RANBP3: variants seen among roughly 807,000 people sequenced by gnomAD.
RANBP3 encodes the protein RAN binding protein 3.
Under a neutral mutation model 77.3 loss-of-function variants are expected in RANBP3, and 14 were observed. That is an observed-to-expected ratio of 0.18 (90% CI 0.12 to 0.28). The LOEUF (loss-of-function observed/expected upper bound fraction) is 0.28, where lower values mean the gene tolerates loss of function less well. Among genes scored for constraint, RANBP3 ranks in the 10% least tolerant of loss-of-function variants. RANBP3 has a pLI of 1.00. For missense variants in RANBP3, 586 were observed against 752.3 expected, an observed-to-expected ratio of 0.78 and a Z score of 2.59; for synonymous variants, 315 against 312.4, an observed-to-expected ratio of 1.01 and a Z score of -0.09.
rs1486857195 is a variant in RANBP3 at position 5,924,938 on chromosome 19, T to C, written c.918-33A>G. ...GAAGATGTGCAATGAGTGTGGGGCG[T>C]CACGTGGGAACGTGGCCAGGCAAAT... On this transcript the variant is annotated intron_variant, in intron 10 of 16. Coordinates refer to ENST00000340578, the MANE Select transcript of RANBP3 (RefSeq NM_007322.3). The surrounding 1 kb of genome is among the most constrained non-coding windows in gnomAD (Gnocchi z 4.7). 27 of 1,591,522 alleles carry C rather than the reference T, an allele frequency of 1.7e-5. No homozygotes were observed. Among genetic ancestry groups the C allele is most frequent in the Non-Finnish European group, 2.3e-5 (27 of 1,159,556 alleles).
intron 1 of RANBP3, among the ~76,000 whole-genome samples, chr19:5,973,555 T>C (rs1490048759): frequency 6.6e-6 from 1 of 152,194 alleles, no homozygotes; most frequent in Non-Finnish European, 1.5e-5. Flanking sequence ...GTGCTCAGGC[T>C]GGGATCCCTG....
At chr19:5,926,074 G>T (rs112871596) in intron 9 of RANBP3, among the ~76,000 whole-genome samples, 89 of 152,242 alleles carry the variant, frequency 5.8e-4, no homozygotes, top group African/African-American at 2.1e-3. Context: ...CAAAGCTGAC[G>T]TTTTGGGGGG....
In RANBP3 at chr19:5,924,625, G is replaced by A. The variant is rs1464447327; in HGVS notation, c.996+202C>T. Reference sequence around the variant, plus strand: ...TCAGCACGGAGGAGCCGGGAAAAGCGAATGCCAGTTCGTAGGCAGCCAGTG... The same window carrying A: ...TCAGCACGGAGGAGCCGGGAAAAGCAAATGCCAGTTCGTAGGCAGCCAGTG... On this transcript the variant is annotated intron_variant, in intron 11 of 16. Transcript: ENST00000340578. The surrounding 1 kb of genome is among the most constrained non-coding windows in gnomAD (Gnocchi z 4.7). Among the ~76,000 whole-genome samples the A allele has an allele frequency of 6.6e-6, 1 of 152,260 alleles. No individual in the cohort carries two copies. Among genetic ancestry groups the A allele is most frequent in the Admixed American group, 6.5e-5 (1 of 15,290 alleles).
intron 1 of RANBP3, among the ~76,000 whole-genome samples, chr19:5,968,196 T>C (rs1354565260): frequency 6.6e-6 from 1 of 152,162 alleles, no homozygotes; most frequent in African/African-American, 2.4e-5. Flanking sequence ...CCCTCCTCTC[T>C]ACACGGAAGC....
chr19:5,977,645 T>C (rs935580076), intron 1 of RANBP3, among the ~76,000 whole-genome samples: 1 of 135,580 alleles, frequency 7.4e-6, no homozygotes, highest in African/African-American at 2.8e-5. Context: ...GAAGGGGAGA[T>C]GCCGGGTGGC....
intron 3 of RANBP3, among the ~76,000 whole-genome samples, chr19:5,950,274 G>A (rs763572335): frequency 2.6e-5 from 4 of 152,064 alleles, no homozygotes; most frequent in Non-Finnish European, 5.9e-5. Context: ...CGCGGCTCCC[G>A]TGTCTCACTA....
chr19:5,973,406 C>T (rs2058552493), intron 1 of RANBP3, among the ~76,000 whole-genome samples: 1 of 152,206 alleles, frequency 6.6e-6, no homozygotes, highest in Non-Finnish European at 1.5e-5. Flanking sequence ...GACATTTCCA[C>T]TGTCATGACT....
In RANBP3 at chr19:5,951,508, T is replaced by A; in HGVS notation, c.167A>T (p.Glu56Val). The change falls in exon 3 of 17, where the codon GAG (glutamate) becomes GTG (valine). Residue 56 changes from glutamate to valine, a missense_variant. Glu to Val is a moderately radical substitution (Grantham distance 121). Transcript: ENST00000340578. ...EAPHHGTGHP[E>V]SAGEHALEPP... The stretch of plus-strand genomic sequence containing the variant: ...TTCTAGGGCATGCTCGCCAGCTGAC[T>A]CGGGGTGACCCGTGCCATGGTGGGG... The A allele has an allele frequency of 6.2e-7, 1 of 1,611,682 alleles. No homozygotes were observed. The highest frequency in any genetic ancestry group is 8.5e-7 in the Non-Finnish European group (1 of 1,178,662).
chr19:5,935,381 G>C (rs1434228995), intron 5 of RANBP3, among the ~76,000 whole-genome samples: 1 of 152,272 alleles, frequency 6.6e-6, no homozygotes, highest in Non-Finnish European at 1.5e-5. Flanking sequence ...CCTGCAGGAT[G>C]CGGGGGTGAG....
Position 5,958,998 on chromosome 19 carries a change from C to T in RANBP3, c.23-1025G>A, listed in dbSNP as rs1372887125. ...CGGTCGTGGGGAGCCAGGCATTACCCAGGAAGCATGTGCTGCCCATGATCA... is the reference window on the plus strand; with the variant it reads ...CGGTCGTGGGGAGCCAGGCATTACCTAGGAAGCATGTGCTGCCCATGATCA... On this transcript the variant is annotated intron_variant, in intron 1 of 16. Transcript: ENST00000340578. This position sits in a 1 kb window ranked among gnomAD's most constrained non-coding sequence, Gnocchi z 4.4. Among the ~76,000 whole-genome samples the T allele has an allele frequency of 1.3e-5, 2 of 152,240 alleles. No individual in the cohort carries two copies. The highest frequency in any genetic ancestry group is 1.5e-5 in the Non-Finnish European group (1 of 68,036).
intron 5 of RANBP3, among the ~76,000 whole-genome samples, chr19:5,941,012 G>A (rs567577569): frequency 6.6e-5 from 10 of 152,334 alleles, no homozygotes; most frequent in East Asian, 1.9e-4. Flanking sequence ...CAGGCCTCAC[G>A]TCCAGGGCCT....
chr19:5,933,508 C>A, intron 5 of RANBP3, 29 bp from the exon 6 acceptor site: 1 of 1,605,962 alleles, frequency 6.2e-7, no homozygotes. Flanking sequence ...ATATCAACAG[C>A]AGGCCTGCCT....
chr19:5,935,461 G>T (rs1264087578), intron 5 of RANBP3, among the ~76,000 whole-genome samples: 1 of 152,248 alleles, frequency 6.6e-6, no homozygotes, highest in Non-Finnish European at 1.5e-5. Context: ...TGCAGAAGAC[G>T]ACTGGCAATT....
chr19:5,950,240 G>C lies in RANBP3; in HGVS notation c.282+1153C>G, dbSNP rs958833301. 2.0e-5 allele frequency among the ~76,000 whole-genome samples: 3 copies of C among 152,170 alleles called. 1 individual carries two copies. The East Asian group carries it at 5.8e-4, about 29-fold the overall frequency. On this transcript the variant is annotated intron_variant, in intron 3 of 16. Transcript: ENST00000340578. The stretch of plus-strand genomic sequence containing the variant: ...GTACTCCCAGTGCACTGTGGGTCAA[G>C]TGCCTCCTGGCTGGACTCCTTCCCG...
At chr19:5,928,420 T>G in intron 8 of RANBP3, 1 of 170,976 alleles carries the variant, frequency 5.8e-6, no homozygotes. Context: ...TGAAATAATT[T>G]ACAATAGAAA....
chr19:5,925,532 GGCCTGA>G, intron 10 of RANBP3, 96 bp downstream of exon 10: 1 of 1,004,650 alleles, frequency 1.0e-6, no homozygotes, highest in South Asian at 1.3e-5. Context: ...CTGGATTCTG[GGCCTGA>G]GTCGGGCACG....
intron 1 of RANBP3, chr19:5,976,437 C>A (rs2058591643): frequency 6.6e-6 from 1 of 152,162 alleles, no homozygotes; most frequent in Non-Finnish European, 1.5e-5. Context: ...TCCATGGGCT[C>A]CTTTATCTTA....
intron 14 of RANBP3, chr19:5,920,918 C>T (rs1204757054): frequency 3.9e-6 from 1 of 257,332 alleles, no homozygotes; most frequent in Non-Finnish European, 7.4e-6. Flanking sequence ...AAACCTGCCA[C>T]TTTGTCAGAA....
intron 8 of RANBP3, among the ~76,000 whole-genome samples, chr19:5,928,975 T>C (rs1599731911): frequency 6.6e-6 from 1 of 151,788 alleles, no homozygotes; most frequent in South Asian, 2.1e-4. Context: ...AGGCAGGGAG[T>C]GTTTTCCTGG....
Sources: allele counts gnomAD v4.1 joint callset (sites outside exome capture counted in the v4.1 genomes callset), GRCh38; gene constraint gnomAD v4.1.1; non-coding constraint Gnocchi (gnomAD v3.1); transcripts MANE v1.5; gene names NCBI Gene and HGNC (gene_info 2026-07-23, HGNC 2026-07-21).